CPEB3: variants seen among roughly 807,000 people sequenced by gnomAD.
CPEB3 encodes cytoplasmic polyadenylation element binding protein 3.
Under a neutral mutation model 67.2 loss-of-function variants are expected in CPEB3, and 20 were observed. The ratio of observed to expected loss-of-function variants is 0.30; its 90% CI spans 0.21 to 0.43. CPEB3 has a LOEUF of 0.43. CPEB3 is among the 20% of genes least tolerant of loss of function. The pLI is 1.00. For synonymous variants in CPEB3, 376 were observed against 393.1 expected (o/e 0.96, Z 0.51); for missense variants, 746 against 968.6 (o/e 0.77, Z 3.05).
intron 1 of CPEB3, among the ~76,000 whole-genome samples, chr10:92,283,121 G>T (rs945127960): frequency 6.6e-6 from 1 of 152,112 alleles, no homozygotes; most frequent in Non-Finnish European, 1.5e-5. Flanking sequence ...GCATGGTGGC[G>T]TGTGCCTGTA....
At chr10:92,110,233 G>C (rs1041868649) in intron 7 of CPEB3, among the ~76,000 whole-genome samples, 1 of 152,106 alleles carries the variant, frequency 6.6e-6, no homozygotes, top group African/African-American at 2.4e-5. Flanking sequence ...TCATACAAAG[G>C]CCGCTGCAGG....
chr10:92,252,811 T>C (rs1852355395), intron 1 of CPEB3, among the ~76,000 whole-genome samples: 1 of 152,118 alleles, frequency 6.6e-6, no homozygotes, highest in Non-Finnish European at 1.5e-5. Context: ...TGAGCCACTG[T>C]GCCTGGCCTG....
intron 9 of CPEB3, among the ~76,000 whole-genome samples, chr10:92,070,777 A>C (rs976533440): frequency 6.6e-6 from 1 of 152,006 alleles, no homozygotes; most frequent in Non-Finnish European, 1.5e-5. Context: ...ATTCCATCTC[A>C]AAACAACAAG....
intron 3 of CPEB3, among the ~76,000 whole-genome samples, chr10:92,188,076 G>A (rs1200354301): frequency 6.6e-6 from 1 of 151,858 alleles, no homozygotes; most frequent in Non-Finnish European, 1.5e-5. Context: ...TGTGCCTCTA[G>A]TACCAGCTAC....
chr10:92,196,794 T>C (rs1849260347), intron 2 of CPEB3, among the ~76,000 whole-genome samples: 1 of 150,420 alleles, frequency 6.6e-6, no homozygotes, highest in African/African-American at 2.5e-5. Context: ...TAGCCAGGCA[T>C]TGTGGCAGGT....
chr10:92,240,198 G>T lies in CPEB3; in HGVS notation c.153C>A (p.Ser51Arg). 1 of 1,518,068 alleles carries T rather than the reference G, an allele frequency of 6.6e-7. No homozygotes were observed. Among genetic ancestry groups the T allele is most frequent in the Non-Finnish European group, 8.8e-7 (1 of 1,130,644 alleles). 94.0% of individuals were successfully genotyped at this position (1,518,068 alleles called of 1,614,324 possible). A position where few individuals can be genotyped will look rare whatever the true frequency, so the allele number is the denominator to read the frequency against. ...CGGCTGGGCTGAGGGCCGGCACTGC[G>T]CTGTTTTCCTCCGGCTTGGGGGTCT... ...SSETPKPEEN[S>R]AVPALSPAAA... The change falls in exon 2 of 10, where the codon AGC (serine) becomes AGA (arginine). Residue 51 changes from serine (S) to arginine (R), a missense_variant. By Grantham distance (110) the Ser-to-Arg change is moderately radical (BLOSUM62 -1). Around this residue, in one of 2 missense-constraint regions of CPEB3, gnomAD observed 643 missense variants for 717.5 expected, o/e 0.90. Transcript: ENST00000265997.
chr10:92,100,871 G>A (rs964825263), intron 7 of CPEB3, among the ~76,000 whole-genome samples: 12 of 152,160 alleles, frequency 7.9e-5, no homozygotes, highest in African/African-American at 1.2e-4. Context: ...GATTACAGGC[G>A]TGAGCCACCG....
intron 8 of CPEB3, among the ~76,000 whole-genome samples, chr10:92,090,072 A>C (rs1164144653): frequency 6.6e-6 from 1 of 152,200 alleles, no homozygotes; most frequent in East Asian, 1.9e-4. Context: ...TTAAAACAGG[A>C]AGAATAAAGA....
intron 2 of CPEB3, among the ~76,000 whole-genome samples, chr10:92,197,025 A>C (rs1333015448): frequency 6.6e-6 from 1 of 152,130 alleles, no homozygotes. Context: ...GGTGGCTACC[A>C]TAATATTAGG....
chr10:92,066,952 G>A (rs1016192600), intron 9 of CPEB3, among the ~76,000 whole-genome samples: 3 of 151,906 alleles, frequency 2.0e-5, no homozygotes, highest in African/African-American at 7.3e-5. Context: ...GGGAGGCTGA[G>A]GCAGGAGAAT....
intron 7 of CPEB3, among the ~76,000 whole-genome samples, chr10:92,094,151 G>A (rs895023457): frequency 5.3e-5 from 8 of 151,868 alleles, no homozygotes; most frequent in South Asian, 2.1e-4. Flanking sequence ...CACTGTGCCC[G>A]GCCACTTTTC....
In CPEB3 at chr10:92,052,037, TGAG is replaced by T. The variant is rs1162498046; in HGVS notation, c.*172_*174del. The T allele has an allele frequency of 1.4e-5, 8 of 576,930 alleles. No homozygotes were observed. The African/African-American group carries it at 1.5e-4, about 11-fold the overall frequency. The allele number at this position is 576,930 out of a possible 1,614,324, so 35.7% of individuals were successfully genotyped here. ...TGCAATTCTGCATTATACTGGACAC[TGAG>T]TTCAGTAATATGACTGTAAATAATA... On this transcript the variant is annotated 3_prime_UTR_variant, in exon 10 of 10. Transcript: ENST00000265997.
At chr10:92,165,186 C>T (rs1280373320) in intron 4 of CPEB3, among the ~76,000 whole-genome samples, 5 of 152,038 alleles carry the variant, frequency 3.3e-5, no homozygotes, top group Non-Finnish European at 7.4e-5. Context: ...GTGGCTCATA[C>T]CTGTAGCCCC....
chr10:92,106,512 G>A (rs1443108531), intron 7 of CPEB3, among the ~76,000 whole-genome samples: 1 of 152,040 alleles, frequency 6.6e-6, no homozygotes, highest in Non-Finnish European at 1.5e-5. Flanking sequence ...TTAAGGGTAG[G>A]AATTAGAAAT....
At chr10:92,248,819 G>A (rs982562150) in intron 1 of CPEB3, among the ~76,000 whole-genome samples, 1 of 152,186 alleles carries the variant, frequency 6.6e-6, no homozygotes, top group Non-Finnish European at 1.5e-5. Context: ...TAAGTCCAAT[G>A]GATGTTTGTC....
chr10:92,214,057 T>A (rs1031539386), intron 2 of CPEB3, among the ~76,000 whole-genome samples: 1 of 152,186 alleles, frequency 6.6e-6, no homozygotes, highest in African/African-American at 2.4e-5. Flanking sequence ...CATTTTCATT[T>A]TCCACCAAAT....
intron 6 of CPEB3, among the ~76,000 whole-genome samples, chr10:92,133,281 T>C (rs1251259996): frequency 1.3e-5 from 2 of 151,536 alleles, no homozygotes; most frequent in African/African-American, 2.4e-5. Context: ...GCAAGACTAA[T>C]AAAGAAGAAA....
At chr10:92,271,930 A>G (rs538903128) in intron 1 of CPEB3, among the ~76,000 whole-genome samples, 3 of 152,310 alleles carry the variant, frequency 2.0e-5, no homozygotes, top group African/African-American at 4.8e-5. Flanking sequence ...GAATGCTACT[A>G]TAAGGAAGGG....
In CPEB3 at chr10:92,289,935, GGGT is replaced by G. The variant is rs938145464; in HGVS notation, c.-12+988_-12+990del. Among the ~76,000 whole-genome samples, 10 of 126,316 alleles carry G rather than the reference GGGT, an allele frequency of 7.9e-5. 1 individual carries two copies. Among genetic ancestry groups the G allele is most frequent in the African/African-American group, 2.9e-4 (8 of 27,946 alleles). The allele number at this position is 126,316 out of a possible 152,430, so 82.9% of individuals were successfully genotyped here. On this transcript the variant is annotated intron_variant, in intron 1 of 9. Transcript: ENST00000265997. ...GTGTGTGTATGTGTGTGGTGGGGGGGGGTGGGTGCTGTTTCTCAAAAACATATT... is the reference window on the plus strand; with the variant it reads ...GTGTGTGTATGTGTGTGGTGGGGGGGGGGTGCTGTTTCTCAAAAACATATT...
Sources: gnomAD v4.1 joint callset for allele counts (sites outside exome capture counted in the v4.1 genomes callset) on GRCh38, gnomAD v4.1.1 for gene constraint, gnomAD v4.1.1 regional missense constraint, MANE v1.5 for transcripts, NCBI Gene and HGNC (gene_info 2026-07-23, HGNC 2026-07-21) for gene names.